The following MOK variants were observed in gnomAD, a reference collection of about 807,000 sequenced individuals.
The protein encoded by MOK is MOK protein kinase, also known as MAPK/MAK/MRK overlapping kinase.
MOK carries 59 observed loss-of-function variants against 54.2 expected under a neutral mutation model. The ratio of observed to expected loss-of-function variants is 1.09; its 90% CI spans 0.88 to 1.35. The LOEUF (loss-of-function observed/expected upper bound fraction) is 1.35. Ranked by LOEUF, MOK falls within the 40% of genes most tolerant of loss-of-function variation. MOK has a pLI of 0.00. For missense variants in MOK, 517 were observed against 526.2 expected, an observed-to-expected ratio of 0.98 and a Z score of 0.17; for synonymous variants, 210 against 202.7, an observed-to-expected ratio of 1.04 and a Z score of -0.31.
chr14:102,279,845 C>A (rs1032138940), intron 2 of MOK, among the ~76,000 whole-genome samples: 17 of 151,918 alleles, frequency 1.1e-4, no homozygotes, highest in African/African-American at 3.9e-4. Flanking sequence ...TCTTTAACTT[C>A]ATATTAACTA....
the MOK span, among the ~76,000 whole-genome samples, chr14:102,218,487 C>T: frequency 2.8e-4 from 43 of 152,212 alleles, no homozygotes; most frequent in Admixed American, 5.2e-4. Context: ...ATCTCCAGTC[C>T]GAGCAGCACC....
At chr14:102,260,067 T>C (rs1269004869) in intron 4 of MOK, among the ~76,000 whole-genome samples, 1 of 151,958 alleles carries the variant, frequency 6.6e-6, no homozygotes, top group African/African-American at 2.4e-5. Context: ...TCCCAGCTAC[T>C]TGGGAGGCTA....
chr14:102,226,364 GGGA>G (rs1395442986), downstream of MOK: 4 of 703,062 alleles, frequency 5.7e-6, no homozygotes, highest in African/African-American at 1.7e-5. The surrounding 1 kb of genome is among the most constrained non-coding windows in gnomAD (Gnocchi z 4.8). Context: ...TGTTTGAATG[GGGA>G]GGAGGACGGC....
intron 4 of MOK, among the ~76,000 whole-genome samples, chr14:102,254,008 G>A (rs571195561): frequency 8.7e-5 from 13 of 149,460 alleles, no homozygotes; most frequent in Non-Finnish European, 1.3e-4. Flanking sequence ...TTTTTGGGAC[G>A]AAGTGTAGCA....
intron 7 of MOK, among the ~76,000 whole-genome samples, 198 bp downstream of exon 7, chr14:102,250,614 T>C (rs2066450990): frequency 6.6e-6 from 1 of 152,154 alleles, no homozygotes; most frequent in Non-Finnish European, 1.5e-5. Context: ...GGTGCTCTTC[T>C]CTGGGAAGGG....
chr14:102,294,520 T>A (rs921770048), intron 1 of MOK, among the ~76,000 whole-genome samples: 13 of 151,048 alleles, frequency 8.6e-5, no homozygotes, highest in Non-Finnish European at 1.6e-4. Context: ...GAGGCTGAGA[T>A]AGGAGAATCC....
At chr14:102,257,771 G>A (rs957720449) in intron 4 of MOK, among the ~76,000 whole-genome samples, 1 of 152,278 alleles carries the variant, frequency 6.6e-6, no homozygotes, top group South Asian at 2.1e-4. Flanking sequence ...GAGGTCAAGA[G>A]ATCGAGACCA....
In MOK at chr14:102,231,933, T is replaced by C. The variant is rs959722312; in HGVS notation, c.867-112A>G. The C allele has an allele frequency of 3.7e-6, 3 of 803,418 alleles. No homozygotes were observed. The highest frequency in any genetic ancestry group is 5.9e-6 in the Non-Finnish European group (3 of 507,796). The allele number at this position is 803,418 out of a possible 1,614,324, so 49.8% of individuals were successfully genotyped here. A position where few individuals can be genotyped will look rare whatever the true frequency, so the allele number is the denominator to read the frequency against. ...TACTGTGTGAGTTGTCACTAGCTCTTCTTTTCTGCCTGAGCTGTAATCAGG... is the reference window on the plus strand; with the variant it reads ...TACTGTGTGAGTTGTCACTAGCTCTCCTTTTCTGCCTGAGCTGTAATCAGG... On this transcript the variant is annotated intron_variant, in intron 9 of 11. Transcript: ENST00000361847. The surrounding 1 kb of genome is among the most constrained non-coding windows in gnomAD (Gnocchi z 4.4).
the MOK span, among the ~76,000 whole-genome samples, chr14:102,215,565 T>G: frequency 1.3e-5 from 2 of 152,168 alleles, no homozygotes; most frequent in Non-Finnish European, 2.9e-5. Flanking sequence ...CAACCCGTCA[T>G]CTATGTTTTA....
chr14:102,229,443 TG>T lies in MOK; in HGVS notation c.1182+13del, dbSNP rs1226390110. ...CGAAGAGCAGCGCCGTCAGAGAAGC[TG>T]GTTCCGCGCTACCTTCTTGCTCGCA... On this transcript the variant is annotated intron_variant, in intron 11 of 11. Transcript: ENST00000361847. 1.2e-6 allele frequency: 2 copies of T among 1,614,206 alleles called. No homozygotes were observed. The highest frequency in any genetic ancestry group is 1.7e-6 in the Non-Finnish European group (2 of 1,180,036).
At chr14:102,246,491 C>T (rs2153104433) in intron 7 of MOK, among the ~76,000 whole-genome samples, 1 of 152,242 alleles carries the variant, frequency 6.6e-6, no homozygotes, top group Non-Finnish European at 1.5e-5. Flanking sequence ...CACTTAATCT[C>T]ACACACTCCT....
At chr14:102,214,891 T>C in the MOK span, 1 of 985,000 alleles carries the variant, frequency 1.0e-6, no homozygotes, top group Admixed American at 6.1e-5. Context: ...TTTTTAGCTG[T>C]TGCCTTGTCA....
intron 7 of MOK, among the ~76,000 whole-genome samples, chr14:102,244,047 T>A (rs553041529): frequency 9.8e-5 from 15 of 152,340 alleles, no homozygotes; most frequent in Admixed American, 2.0e-4. Context: ...TTATATGGGC[T>A]GAAAGAGGTT....
chr14:102,302,125 T>C (rs1005980479), intron 1 of MOK, among the ~76,000 whole-genome samples: 2 of 147,388 alleles, frequency 1.4e-5, no homozygotes, highest in East Asian at 2.0e-4. Context: ...CAGGCTGGAG[T>C]GCAGTAGTGC....
At chr14:102,255,626 C>T (rs1027923704) in intron 4 of MOK, among the ~76,000 whole-genome samples, 6 of 152,160 alleles carry the variant, frequency 3.9e-5, no homozygotes, top group African/African-American at 1.2e-4. Flanking sequence ...GGAGACCACA[C>T]CCTTGCAAAG....
At chr14:102,244,894 GA>G (rs1273211197) in intron 7 of MOK, among the ~76,000 whole-genome samples, 1 of 152,040 alleles carries the variant, frequency 6.6e-6, no homozygotes, top group Non-Finnish European at 1.5e-5. Context: ...AGGAAAGGTA[GA>G]ATGGAACAGA....
chr14:102,227,035 G>C (rs1385388260), downstream of MOK, among the ~76,000 whole-genome samples: 2 of 152,252 alleles, frequency 1.3e-5, no homozygotes, highest in African/African-American at 4.8e-5. Flanking sequence ...CTTGCCTCCA[G>C]AGGGCCCCCA....
In MOK at chr14:102,266,546, G is replaced by A. The variant is rs554321946; in HGVS notation, c.123-634C>T. ...ATTACAAGCGTGAGCCACTGTGCCC[G>A]GCCTCTTTCTTATCTTTAATGATGC... On this transcript the variant is annotated intron_variant, in intron 2 of 11. Coordinates refer to ENST00000361847, the MANE Select transcript of MOK (RefSeq NM_014226.3). Among the ~76,000 whole-genome samples the A allele has an allele frequency of 1.3e-4, 19 of 151,786 alleles. No individual in the cohort carries two copies. In the East Asian group the frequency reaches 1.5e-3, roughly 12 times the overall value.
At chr14:102,223,049 C>T (rs885586), downstream of MOK, 1,269 of 662,854 alleles carry the variant, frequency 1.9e-3, 31 homozygotes, top group Admixed American at 0.031. Flanking sequence ...GCCGTGCTCC[C>T]GCTGCTCACC....
Sources: gnomAD v4.1 joint callset for allele counts (sites outside exome capture counted in the v4.1 genomes callset) on GRCh38, gnomAD v4.1.1 for gene constraint, Gnocchi (gnomAD v3.1) non-coding constraint, MANE v1.5 for transcripts, NCBI Gene and HGNC (gene_info 2026-07-23, HGNC 2026-07-21) for gene names.